DISC1: variants seen among roughly 807,000 people sequenced by gnomAD.
DISC1 encodes disrupted in schizophrenia 1 protein.
DISC1 carries 57 observed loss-of-function variants against 84.5 expected under a neutral mutation model. That is an observed-to-expected ratio of 0.67 (90% CI 0.55 to 0.84). The LOEUF (loss-of-function observed/expected upper bound fraction) is 0.84. Ranked by LOEUF, DISC1 falls within the 40% of genes least tolerant of loss-of-function variation. DISC1 has a pLI of 0.00. For synonymous variants in DISC1, 411 were observed against 415.2 expected (o/e 0.99, Z 0.12); for missense variants, 1,000 against 1,057.8 (o/e 0.95, Z 0.76).
intron 1 of DISC1, among the ~76,000 whole-genome samples, chr1:231,646,058 CT>C (rs80314007): frequency 0.46 from 67,633 of 146,028 alleles, 15,361 homozygotes; most frequent in East Asian, 0.61. Context: ...ATGTACTTTT[CT>C]TTTTTTTTTT....
In DISC1 at chr1:232,003,844, C is replaced by A. The variant is rs149881515; in HGVS notation, c.2043-4941C>A. Among the ~76,000 whole-genome samples the A allele has an allele frequency of 4.0e-3, 610 of 151,888 alleles. 20 individuals carry two copies. The South Asian group carries it at 0.086, about 21-fold the overall frequency. ...TACAGCCCTTGAATTAACAAGGGAACCATTAGGAAAGATAATGAAAAGGCT... is the reference window on the plus strand; with the variant it reads ...TACAGCCCTTGAATTAACAAGGGAAACATTAGGAAAGATAATGAAAAGGCT... On this transcript the variant is annotated intron_variant, in intron 10 of 12. Coordinates refer to ENST00000439617, the MANE Select transcript of DISC1 (RefSeq NM_018662.3).
At chr1:231,711,357 CTTTTTTT>C (rs57262026) in intron 3 of DISC1, among the ~76,000 whole-genome samples, 3 of 111,306 alleles carry the variant, frequency 2.7e-5, no homozygotes, top group Non-Finnish European at 5.7e-5. Flanking sequence ...GGACATATTT[CTTTTTTT>C]TTTTTTTTTT....
At position 231,796,235 on chromosome 1, in the gene DISC1, G is replaced by C. The variant is rs201102435; in HGVS notation, c.1689+939G>C. On this transcript the variant is annotated intron_variant, in intron 7 of 12. Coordinates refer to ENST00000439617, the MANE Select transcript of DISC1 (RefSeq NM_018662.3). Reference sequence around the variant, plus strand: ...CCTGGCCAAGTTATTGACAGACTGAGAAACAGGATCAATTACTCTGTGAAT... The same window carrying C: ...CCTGGCCAAGTTATTGACAGACTGACAAACAGGATCAATTACTCTGTGAAT... Among the ~76,000 whole-genome samples the C allele has an allele frequency of 1.4e-4, 22 of 152,260 alleles. No individual in the cohort carries two copies. The South Asian group carries it at 1.7e-3, about 11-fold the overall frequency.
At chr1:231,854,989 T>A in intron 9 of DISC1, 1 of 1,121,386 alleles carries the variant, frequency 8.9e-7, no homozygotes, top group South Asian at 1.9e-5. Context: ...GTGCTGGGAT[T>A]ACAGACATGA....
intron 5 of DISC1, 84 bp downstream of exon 5, chr1:231,767,353 A>T: frequency 2.6e-6 from 4 of 1,559,186 alleles, no homozygotes; most frequent in Non-Finnish European, 3.5e-6. Flanking sequence ...CCTAGGTTGG[A>T]GGGCAGTGGT....
At chr1:231,728,640 T>C (rs547956985) in intron 3 of DISC1, among the ~76,000 whole-genome samples, 1 of 152,346 alleles carries the variant, frequency 6.6e-6, no homozygotes, top group South Asian at 2.1e-4. Context: ...CTTAGTTTGT[T>C]CTACCAAGGA....
intron 9 of DISC1, among the ~76,000 whole-genome samples, chr1:231,950,910 A>G (rs1031637121): frequency 2.6e-5 from 4 of 152,200 alleles, no homozygotes; most frequent in African/African-American, 9.7e-5. Context: ...GTATCAAGAC[A>G]GACAGGTCTT....
At chr1:231,962,806 A>G (rs573540042) in intron 10 of DISC1, among the ~76,000 whole-genome samples, 1 of 152,090 alleles carries the variant, frequency 6.6e-6, no homozygotes, top group Non-Finnish European at 1.5e-5. Context: ...CCTCCTGTTC[A>G]TCCAGCCCAA....
intron 9 of DISC1, among the ~76,000 whole-genome samples, chr1:231,955,705 G>A (rs1425444806): frequency 6.6e-6 from 1 of 151,950 alleles, no homozygotes; most frequent in East Asian, 1.9e-4. Context: ...GGCCAGGCTG[G>A]TCTTGAACTC....
intron 6 of DISC1, among the ~76,000 whole-genome samples, chr1:231,784,047 AG>A (rs1477507441): frequency 6.6e-6 from 1 of 152,094 alleles, no homozygotes; most frequent in Admixed American, 6.5e-5. Flanking sequence ...GCAGATCACG[AG>A]GTCAGGAGTT....
chr1:231,832,784 TTCA>T (rs1161383127), intron 9 of DISC1, among the ~76,000 whole-genome samples: 2 of 146,888 alleles, frequency 1.4e-5, no homozygotes, highest in Non-Finnish European at 3.0e-5. Context: ...GCAAAACAAT[TTCA>T]TTGATAAGGC....
intron 3 of DISC1, among the ~76,000 whole-genome samples, chr1:231,733,033 T>C (rs1256353939): frequency 1.5e-5 from 1 of 66,086 alleles, no homozygotes; most frequent in Non-Finnish European, 3.1e-5. Context: ...GTGGTAGTGT[T>C]AGGAGTGGTG....
At chr1:231,841,485 A>G (rs2083064220) in intron 9 of DISC1, among the ~76,000 whole-genome samples, 2 of 152,236 alleles carry the variant, frequency 1.3e-5, no homozygotes, top group Admixed American at 6.5e-5. Flanking sequence ...CAGTTTATCC[A>G]GCTCATTGGT....
intron 8 of DISC1, 86 bp downstream of exon 8, chr1:231,800,296 T>C (rs201626010): frequency 6.7e-6 from 7 of 1,039,384 alleles, no homozygotes; most frequent in Non-Finnish European, 9.0e-6. Context: ...TCGATGAACA[T>C]TCCACTGTTA....
intron 1 of DISC1, among the ~76,000 whole-genome samples, chr1:231,638,570 A>G (rs756996513): frequency 2.7e-4 from 41 of 152,032 alleles, no homozygotes; most frequent in Non-Finnish European, 5.1e-4. Flanking sequence ...TGGCCATCCA[A>G]TTTCCCCAGT....
At chr1:231,824,698 G>T (rs1286901911) in intron 9 of DISC1, among the ~76,000 whole-genome samples, 6 of 152,092 alleles carry the variant, frequency 3.9e-5, no homozygotes, top group African/African-American at 1.4e-4. Flanking sequence ...GGATGTAGGG[G>T]GTGTCAGTTT....
At chr1:231,639,487 G>A (rs1572385283) in intron 1 of DISC1, among the ~76,000 whole-genome samples, 2 of 152,322 alleles carry the variant, frequency 1.3e-5, no homozygotes, top group Middle Eastern at 6.8e-3. Flanking sequence ...TAGAAGCACG[G>A]AGGTACATTC....
At chr1:231,888,967 C>T (rs546190009) in intron 9 of DISC1, among the ~76,000 whole-genome samples, 4 of 152,202 alleles carry the variant, frequency 2.6e-5, no homozygotes, top group African/African-American at 9.6e-5. Flanking sequence ...ATATGCGATC[C>T]TTTGAGGGAG....
At chr1:231,696,907 G>A (rs1451303437) in intron 2 of DISC1, among the ~76,000 whole-genome samples, 2 of 152,214 alleles carry the variant, frequency 1.3e-5, no homozygotes, top group African/African-American at 4.8e-5. Flanking sequence ...ATGCATCCCT[G>A]TCATTAAGTA....
Sources: allele counts gnomAD v4.1 joint callset (sites outside exome capture counted in the v4.1 genomes callset), GRCh38; gene constraint gnomAD v4.1.1; transcripts MANE v1.5; gene names NCBI Gene and HGNC (gene_info 2026-07-23, HGNC 2026-07-21).